PTPRM: variants seen among roughly 807,000 people sequenced by gnomAD.
PTPRM encodes the protein protein tyrosine phosphatase receptor type M.
Under a neutral mutation model 186.7 loss-of-function variants are expected in PTPRM, and 47 were observed. The observed-to-expected ratio is 0.25, with a 90% CI of 0.20 to 0.32. PTPRM has a LOEUF of 0.32. PTPRM is among the 10% of genes least tolerant of loss of function. PTPRM has a pLI of 1.00. For missense variants in PTPRM, 1,494 were observed against 1,865.0 expected, an observed-to-expected ratio of 0.80 and a Z score of 3.66; for synonymous variants, 668 against 674.9, an observed-to-expected ratio of 0.99 and a Z score of 0.16.
intron 1 of PTPRM, chr18:7,751,388 T>A (rs1327237187): frequency 6.6e-6 from 1 of 152,236 alleles, no homozygotes; most frequent in Non-Finnish European, 1.5e-5. Flanking sequence ...TTAACTTGCT[T>A]GGATCTTCAA....
intron 19 of PTPRM, among the ~76,000 whole-genome samples, chr18:8,280,334 A>T (rs549595922): frequency 6.7e-6 from 1 of 148,166 alleles, no homozygotes; most frequent in East Asian, 2.1e-4. Context: ...TGAAGGCCCC[A>T]TCTCCAAATA....
chr18:7,875,067 G>T (rs568907841), intron 2 of PTPRM, among the ~76,000 whole-genome samples: 119 of 152,056 alleles, frequency 7.8e-4, no homozygotes, highest in African/African-American at 2.7e-3. Context: ...TTGGTGGCAG[G>T]TGCCTGTAAT....
chr18:8,388,839 T>C (rs145832826), intron 31 of PTPRM, among the ~76,000 whole-genome samples: 5,262 of 152,196 alleles, frequency 0.035, 137 homozygotes, highest in East Asian at 0.091. Flanking sequence ...TGGGCACCTG[T>C]AGTCCCAGCT....
Position 7,842,930 on chromosome 18 carries a change from G to GTGTGTGTATATATA in PTPRM, c.197-45175_197-45174insGTGTGTATATATAT, listed in dbSNP as rs377182615. Among the ~76,000 whole-genome samples the GTGTGTGTATATATA allele has an allele frequency of 3.7e-3, 375 of 100,856 alleles. 12 individuals are homozygous for GTGTGTGTATATATA. The highest frequency in any genetic ancestry group is 0.017 in the African/African-American group (346 of 20,136). The allele number at this position is 100,856 out of a possible 152,430, so 66.2% of individuals were successfully genotyped here. On this transcript the variant is annotated intron_variant, in intron 2 of 32. Coordinates refer to ENST00000580170, the MANE Select transcript of PTPRM (RefSeq NM_001105244.2). Reference sequence around the variant, plus strand: ...CTCATATGTGTGTGTGTGTGTGTGTGTATATATATATATATATAGAGAGAG... The same window carrying GTGTGTGTATATATA: ...CTCATATGTGTGTGTGTGTGTGTGTGTGTGTGTATATATATATATATATATATATATAGAGAGAG...
chr18:8,162,283 T>A (rs539608269), intron 14 of PTPRM, among the ~76,000 whole-genome samples: 6 of 152,222 alleles, frequency 3.9e-5, no homozygotes, highest in African/African-American at 1.2e-4. Flanking sequence ...ACATTTTTAG[T>A]ACAAACAGGG....
intron 1 of PTPRM, among the ~76,000 whole-genome samples, chr18:7,654,811 G>A (rs546874276): frequency 6.0e-4 from 92 of 152,184 alleles, no homozygotes; most frequent in African/African-American, 2.0e-3. Context: ...TGGTATATGT[G>A]TCTGGTTTTG....
At chr18:7,879,686 A>G (rs2048406712) in intron 2 of PTPRM, among the ~76,000 whole-genome samples, 1 of 152,228 alleles carries the variant, frequency 6.6e-6, no homozygotes, top group Admixed American at 6.5e-5. Context: ...AGCAAAGGTT[A>G]TAAGCACATC....
chr18:7,740,486 A>G (rs768051936), intron 1 of PTPRM, among the ~76,000 whole-genome samples: 26 of 152,152 alleles, frequency 1.7e-4, no homozygotes, highest in Non-Finnish European at 2.9e-5. Flanking sequence ...CGGTCTGATT[A>G]TAGGTCACTG....
chr18:7,780,045 A>G (rs1245756429), intron 2 of PTPRM, among the ~76,000 whole-genome samples: 1 of 152,224 alleles, frequency 6.6e-6, no homozygotes, highest in Non-Finnish European at 1.5e-5. Context: ...GACCCAGCAC[A>G]TTAAAGCATC....
intron 2 of PTPRM, among the ~76,000 whole-genome samples, chr18:7,847,574 T>C (rs1443613): frequency 0.7 from 106,423 of 151,986 alleles, 38,065 homozygotes; most frequent in East Asian, 0.96. Context: ...CAATGACAAC[T>C]GGGCTCTGTC....
intron 13 of PTPRM, among the ~76,000 whole-genome samples, chr18:8,128,089 C>A (rs2092416526): frequency 6.6e-6 from 1 of 152,030 alleles, no homozygotes; most frequent in Non-Finnish European, 1.5e-5. Context: ...TCAATTTAAC[C>A]TTTTGAGAGA....
At chr18:7,882,309 C>CT (rs1013035626) in intron 2 of PTPRM, among the ~76,000 whole-genome samples, 37 of 149,526 alleles carry the variant, frequency 2.5e-4, no homozygotes, top group Non-Finnish European at 3.7e-4. Flanking sequence ...ATGCACTGGA[C>CT]TTTTTTTTTT....
chr18:7,920,312 G>T (rs933315391), intron 4 of PTPRM, among the ~76,000 whole-genome samples: 2 of 151,868 alleles, frequency 1.3e-5, no homozygotes, highest in East Asian at 3.9e-4. Flanking sequence ...CTCTGGTCAC[G>T]TGTTTTAATT....
chr18:8,088,723 CT>C, intron 10 of PTPRM, 25 bp from the exon 11 acceptor site: 1 of 1,523,052 alleles, frequency 6.6e-7, no homozygotes, highest in Non-Finnish European at 9.1e-7. Context: ...AATAATGAGT[CT>C]CCCATTCTAC....
Position 8,378,392 on chromosome 18 carries a change from G to C in PTPRM, c.3590G>C (p.Ser1197Thr). 1.9e-6 allele frequency: 3 copies of C among 1,614,120 alleles called. No homozygotes were observed. Among genetic ancestry groups the C allele is most frequent in the Non-Finnish European group, 1.7e-6 (2 of 1,179,994 alleles). Residue 1197 changes from serine (S) to threonine (T), a missense_variant, in exon 27 of 33, where the codon AGC becomes ACC. This residue lies in a region of PTPRM where 1,107 missense variants were observed against 1,350.2 expected (regional missense o/e 0.82). Transcript: ENST00000580170. ...MNKLDPQTNS[S>T]QIKEEFRTLN... ...AAACTGGATCCACAGACAAACTCAA[G>C]CCAGATTAAAGAGGAATTCCGGGTA...
At chr18:7,965,397 T>G (rs1568090946) in intron 7 of PTPRM, among the ~76,000 whole-genome samples, 1 of 152,198 alleles carries the variant, frequency 6.6e-6, no homozygotes, top group Non-Finnish European at 1.5e-5. Flanking sequence ...GATGGCAGTT[T>G]GCTTAGAGCT....
At chr18:8,363,123 C>T (rs569529200) in intron 23 of PTPRM, among the ~76,000 whole-genome samples, 10 of 152,304 alleles carry the variant, frequency 6.6e-5, no homozygotes, top group South Asian at 4.1e-4. Flanking sequence ...CACCACAGCC[C>T]GGAGCTAAGC....
intron 23 of PTPRM, among the ~76,000 whole-genome samples, chr18:8,356,667 C>A (rs1368031747): frequency 6.6e-6 from 1 of 152,190 alleles, no homozygotes; most frequent in African/African-American, 2.4e-5. Context: ...GGAGTGACCT[C>A]TTCTCTGGGG....
intron 1 of PTPRM, among the ~76,000 whole-genome samples, chr18:7,734,832 T>C (rs985009237): frequency 6.6e-6 from 1 of 152,210 alleles, no homozygotes; most frequent in Non-Finnish European, 1.5e-5. Context: ...AAATTACCTG[T>C]CTTCCTCTGG....
Sources: allele counts gnomAD v4.1 joint callset (sites outside exome capture counted in the v4.1 genomes callset), GRCh38; gene constraint gnomAD v4.1.1; regional missense constraint gnomAD v4.1.1; transcripts MANE v1.5; gene names NCBI Gene and HGNC (gene_info 2026-07-23, HGNC 2026-07-21).